The following ICE2 variants were observed in gnomAD, a reference collection of about 807,000 sequenced individuals.
ICE2 encodes the protein interactor of little elongation complex ELL subunit 2.
Under a neutral mutation model 105.4 loss-of-function variants are expected in ICE2, and 87 were observed. The ratio of observed to expected loss-of-function variants is 0.83; its 90% CI spans 0.69 to 0.99. The LOEUF is 0.99. Ranked by LOEUF, ICE2 falls within the 50% of genes least tolerant of loss-of-function variation. The pLI, the probability that ICE2 is intolerant of heterozygous loss-of-function variation, is 0.00. For missense variants in ICE2, 1,323 were observed against 1,146.7 expected (o/e 1.15, Z -2.22); for synonymous variants, 399 against 392.0 (o/e 1.02, Z -0.21).
intron 4 of ICE2, 90 bp from the exon 5 acceptor site, chr15:60,466,803 T>A: frequency 1.9e-6 from 2 of 1,076,680 alleles, no homozygotes; most frequent in Non-Finnish European, 1.3e-6. Context: ...AATTTGGACT[T>A]AAAGAATAAT....
chr15:60,432,886 C>T (rs973142698), intron 13 of ICE2, among the ~76,000 whole-genome samples: 19 of 151,952 alleles, frequency 1.3e-4, no homozygotes, highest in African/African-American at 4.1e-4. Context: ...ACCAAGAATC[C>T]GCCTCAAAAA....
intron 5 of ICE2, among the ~76,000 whole-genome samples, chr15:60,464,710 T>C (rs1261097671): frequency 6.6e-6 from 1 of 152,252 alleles, no homozygotes; most frequent in African/African-American, 2.4e-5. Flanking sequence ...GGAGAGATCA[T>C]GCAGGCCACT....
intron 12 of ICE2, among the ~76,000 whole-genome samples, chr15:60,436,957 A>G (rs2063606901): frequency 6.6e-6 from 1 of 152,132 alleles, no homozygotes; most frequent in African/African-American, 2.4e-5. Context: ...ATCTGGCTTA[A>G]TATTTTTTAA....
At chr15:60,437,070 T>A (rs2063610261) in intron 12 of ICE2, among the ~76,000 whole-genome samples, 1 of 151,812 alleles carries the variant, frequency 6.6e-6, no homozygotes, top group African/African-American at 2.4e-5. Flanking sequence ...CTGGCCAACA[T>A]GGTGAAACCT....
At position 60,423,617 on chromosome 15, in the gene ICE2, T is replaced by G. The variant is rs764482159; in HGVS notation, c.*17A>C. 4 of 1,586,946 alleles carry G rather than the reference T, an allele frequency of 2.5e-6. No homozygotes were observed. The highest frequency in any genetic ancestry group is 2.3e-4 in the Middle Eastern group (1 of 4,388). On this transcript the variant is annotated 3_prime_UTR_variant, in exon 16 of 16. Coordinates refer to ENST00000261520, the MANE Select transcript of ICE2 (RefSeq NM_024611.6). ...TTATAACTGTTTTTTTAAATTTAGT[T>G]TTCCATGGTACAGTCCTCAAGTTAT...
At chr15:60,451,191 A>G in intron 9 of ICE2, 2 of 666,010 alleles carry the variant, frequency 3.0e-6, no homozygotes, top group Non-Finnish European at 3.7e-6. Context: ...GTCTCTAAGT[A>G]AAAAATAAAA....
At chr15:60,433,153 T>A (rs1375242740) in intron 13 of ICE2, among the ~76,000 whole-genome samples, 1 of 151,334 alleles carries the variant, frequency 6.6e-6, no homozygotes, top group Non-Finnish European at 1.5e-5. Flanking sequence ...GCTGGAGCGA[T>A]CTTGGCTCAC....
intron 15 of ICE2, among the ~76,000 whole-genome samples, chr15:60,425,468 A>G (rs983159661): frequency 2.0e-5 from 3 of 152,236 alleles, no homozygotes; most frequent in Middle Eastern, 6.3e-3. Flanking sequence ...GTAGAAAGAA[A>G]AAAGGGATAA....
At chr15:60,430,991 C>G (rs1039985736) in intron 14 of ICE2, among the ~76,000 whole-genome samples, 33 of 152,062 alleles carry the variant, frequency 2.2e-4, no homozygotes, top group African/African-American at 7.7e-4. Context: ...GCTGCCTCAG[C>G]CTCCTGAGTA....
Position 60,419,813 on chromosome 15 carries a change from G to A in ICE2, c.*3821C>T, listed in dbSNP as rs2063224663. ...ATGCCCATTAGGAACTACAGATGCA[G>A]TATGCTAATGAAAAGTTAAAGTTTT... On this transcript the variant is annotated 3_prime_UTR_variant, in exon 16 of 16. Transcript: ENST00000261520. 2.0e-5 allele frequency: 3 copies of A among 152,208 alleles called. No homozygotes were observed. Among genetic ancestry groups the A allele is most frequent in the Admixed American group, 2.0e-4 (3 of 15,278 alleles). The allele number at this position is 152,208 out of a possible 1,614,324, so 9.4% of individuals were successfully genotyped here. A position where few individuals can be genotyped will look rare whatever the true frequency, so the allele number is the denominator to read the frequency against.
rs367547422 is a variant in ICE2, at chr15:60,456,668, G to C, written c.655C>G (p.Leu219Val). The part of the protein sequence containing the change: ...VEMGLKLEKT[L>V]LALGSVKYVK... Reference sequence around the variant, plus strand: ...ATAATAAACCTTACCAATGCGAGAAGAGTTTTTTCTAACTTTAATCCCATC... The same window carrying C: ...ATAATAAACCTTACCAATGCGAGAACAGTTTTTTCTAACTTTAATCCCATC... The change falls in exon 6 of 16, where the codon CTT becomes GTT. Residue 219 changes from leucine (L) to valine (V), a missense_variant. Leu to Val is a conservative substitution (Grantham distance 32). Coordinates refer to ENST00000261520, the MANE Select transcript of ICE2 (RefSeq NM_024611.6). 1.9e-6 allele frequency: 3 copies of C among 1,584,610 alleles called. No individual in the cohort carries two copies. The highest frequency in any genetic ancestry group is 2.6e-6 in the Non-Finnish European group (3 of 1,168,364).
At chr15:60,444,364 C>T (rs2063779864) in intron 11 of ICE2, among the ~76,000 whole-genome samples, 1 of 152,092 alleles carries the variant, frequency 6.6e-6, no homozygotes, top group Non-Finnish European at 1.5e-5. Context: ...ACTGCCATCT[C>T]CAGGAAGCCA....
At chr15:60,433,430 A>G (rs2063507044) in intron 13 of ICE2, among the ~76,000 whole-genome samples, 1 of 151,922 alleles carries the variant, frequency 6.6e-6, no homozygotes, top group South Asian at 2.1e-4. Context: ...TTCTAGACCT[A>G]AAGTCCGTCT....
chr15:60,423,660 C>T lies in ICE2; in HGVS notation c.2923G>A (p.Ala975Thr). 6.2e-7 allele frequency: 1 copy of T among 1,609,132 alleles called. No homozygotes were observed. The highest frequency in any genetic ancestry group is 8.5e-7 in the Non-Finnish European group (1 of 1,178,794). The change falls in exon 16 of 16, where the codon GCT (alanine) becomes ACT (threonine). Residue 975 changes from alanine to threonine, a missense_variant. Ala to Thr is a moderately conservative substitution (Grantham distance 58). Transcript: ENST00000261520. Reference sequence around the variant, plus strand: ...CAAGTTATTTTTCTTTTATGTGGAGCCACTCCTTCAGTTTCAACTTGCTGA... The same window carrying T: ...CAAGTTATTTTTCTTTTATGTGGAGTCACTCCTTCAGTTTCAACTTGCTGA... ...PAQQVETEGV[A>T]PHKRKIT
chr15:60,430,864 T>C (rs1383896600), intron 14 of ICE2, among the ~76,000 whole-genome samples: 3 of 152,164 alleles, frequency 2.0e-5, no homozygotes, highest in South Asian at 4.1e-4. Flanking sequence ...TAAATGACTG[T>C]TCATTTAGCT....
chr15:60,449,901 T>C lies in ICE2; in HGVS notation c.1126-60A>G. 4.2e-6 allele frequency: 5 copies of C among 1,187,156 alleles called. No individual in the cohort carries two copies. The South Asian group carries it at 5.6e-5, about 13-fold the overall frequency. The allele number at this position is 1,187,156 out of a possible 1,614,324, so 73.5% of individuals were successfully genotyped here. Reference sequence around the variant, plus strand: ...ATTTCAAGCCACCCTACCTATCTCTTAATGTCCCTATCCCTGTCATACATA... The same window carrying C: ...ATTTCAAGCCACCCTACCTATCTCTCAATGTCCCTATCCCTGTCATACATA... On this transcript the variant is annotated intron_variant, in intron 9 of 15. Transcript: ENST00000261520.
chr15:60,435,237 C>A lies in ICE2; in HGVS notation c.2510+906G>T, dbSNP rs562372689. Among the ~76,000 whole-genome samples the A allele has an allele frequency of 2.0e-5, 3 of 151,498 alleles. No individual in the cohort carries two copies. In the East Asian group the frequency reaches 5.9e-4, roughly 30 times the overall value. On this transcript the variant is annotated intron_variant, in intron 13 of 15. Transcript: ENST00000261520. ...CAGAACTTGCAGTGAGCCGAGATCACGCCACTGCACTCCAGCCTGGGCAAC... is the reference window on the plus strand; with the variant it reads ...CAGAACTTGCAGTGAGCCGAGATCAAGCCACTGCACTCCAGCCTGGGCAAC...
At position 60,423,608 on chromosome 15, in the gene ICE2, A is replaced by T. The variant is rs538819271; in HGVS notation, c.*26T>A. ...TAAACACTGTTATAACTGTTTTTTT[A>T]AATTTAGTTTTCCATGGTACAGTCC... On this transcript the variant is annotated 3_prime_UTR_variant, in exon 16 of 16. Transcript: ENST00000261520. 42 of 1,578,626 alleles carry T rather than the reference A, an allele frequency of 2.7e-5. No individual in the cohort carries two copies. The highest frequency in any genetic ancestry group is 1.9e-4 in the African/African-American group (14 of 72,354).
At chr15:60,444,206 A>G (rs2063776507) in intron 11 of ICE2, among the ~76,000 whole-genome samples, 1 of 152,194 alleles carries the variant, frequency 6.6e-6, no homozygotes, top group African/African-American at 2.4e-5. Context: ...TGGATTAGAA[A>G]TGGGTAAGAG....
Sources: allele counts gnomAD v4.1 joint callset (sites outside exome capture counted in the v4.1 genomes callset), GRCh38; gene constraint gnomAD v4.1.1; transcripts MANE v1.5; gene names NCBI Gene and HGNC (gene_info 2026-07-23, HGNC 2026-07-21).